The following ZBTB20 variants were observed in gnomAD, a reference collection of about 807,000 sequenced individuals.
ZBTB20 encodes the protein zinc finger and BTB domain-containing protein 20.
Under a neutral mutation model 56.9 loss-of-function variants are expected in ZBTB20, and 9 were observed. The ratio of observed to expected loss-of-function variants is 0.16; its 90% CI spans 0.10 to 0.28. The LOEUF (loss-of-function observed/expected upper bound fraction) is 0.28. ZBTB20 is among the 10% of genes least tolerant of loss of function. The probability of loss-of-function intolerance (pLI) is 1.00; values close to 1 mark genes in which losing one functional copy is unlikely to be tolerated. For missense variants in ZBTB20, 655 were observed against 1,003.0 expected (o/e 0.65, Z 4.69); for synonymous variants, 417 against 420.7 (o/e 0.99, Z 0.11).
chr3:114,344,390 G>C (rs148983386), intron 11 of ZBTB20, among the ~76,000 whole-genome samples: 1 of 152,292 alleles, frequency 6.6e-6, no homozygotes, highest in East Asian at 1.9e-4. Context: ...AGTAGCACCT[G>C]AGAGTATAAT....
rs2108022810 is a variant in ZBTB20, at chr3:114,326,889, T to C, written c.*12116A>G. The C allele has an allele frequency of 1.3e-5, 2 of 152,272 alleles. No individual in the cohort carries two copies. Among genetic ancestry groups the C allele is most frequent in the Middle Eastern group, 6.8e-3 (2 of 294 alleles). 9.4% of individuals were successfully genotyped at this position (152,272 alleles called of 1,614,324 possible). A position where few individuals can be genotyped will look rare whatever the true frequency, so the allele number is the denominator to read the frequency against. On this transcript the variant is annotated 3_prime_UTR_variant, in exon 12 of 12. Transcript: ENST00000675478. ...TCTCAGAACATTTCCTAAGCTATAT[T>C]TGTAAATTCTAGAGCTACATATCTG...
At chr3:114,864,842 G>A (rs972623300) in intron 4 of ZBTB20, among the ~76,000 whole-genome samples, 28 of 152,200 alleles carry the variant, frequency 1.8e-4, no homozygotes, top group Middle Eastern at 3.4e-3. Context: ...TGAGGCAAGA[G>A]GGTAACTCCA....
chr3:114,690,957 T>C (rs141298731), intron 6 of ZBTB20, among the ~76,000 whole-genome samples: 139 of 152,262 alleles, frequency 9.1e-4, no homozygotes, highest in South Asian at 4.4e-3. Context: ...ATAATAAGTA[T>C]AATTAATGCT....
chr3:114,860,094 G>A (rs771102616), intron 4 of ZBTB20, among the ~76,000 whole-genome samples: 11 of 151,984 alleles, frequency 7.2e-5, no homozygotes, highest in African/African-American at 2.4e-4. Flanking sequence ...GGATCACGAC[G>A]TCAGGAGATC....
At chr3:114,887,489 T>A (rs1397649994) in intron 4 of ZBTB20, among the ~76,000 whole-genome samples, 1 of 152,090 alleles carries the variant, frequency 6.6e-6, no homozygotes, top group African/African-American at 2.4e-5. Context: ...CTAAATCCAA[T>A]AACTGATATG....
At chr3:114,532,493 T>C (rs189642782) in intron 6 of ZBTB20, among the ~76,000 whole-genome samples, 113 of 152,284 alleles carry the variant, frequency 7.4e-4, no homozygotes, top group African/African-American at 2.6e-3. Context: ...CCCAGTCAGG[T>C]GCTTATAGAT....
At chr3:114,978,519 A>G (rs1252763049) in intron 2 of ZBTB20, among the ~76,000 whole-genome samples, 1 of 151,622 alleles carries the variant, frequency 6.6e-6, no homozygotes, top group East Asian at 1.9e-4. Context: ...TATATAATAC[A>G]TCATTAAGCT....
chr3:114,427,691 T>C (rs571171254), intron 7 of ZBTB20, among the ~76,000 whole-genome samples: 1 of 152,380 alleles, frequency 6.6e-6, no homozygotes, highest in South Asian at 2.1e-4. Flanking sequence ...ATTTGGTGTC[T>C]GCTGTCTGGG....
chr3:114,466,728 T>C (rs1181116377), intron 7 of ZBTB20, among the ~76,000 whole-genome samples: 1 of 152,178 alleles, frequency 6.6e-6, no homozygotes, highest in Non-Finnish European at 1.5e-5. Flanking sequence ...TTTAATTCAG[T>C]ATATATTTAA....
intron 11 of ZBTB20, among the ~76,000 whole-genome samples, chr3:114,347,533 C>A (rs1271145664): frequency 6.6e-6 from 1 of 151,196 alleles, no homozygotes; most frequent in Admixed American, 6.6e-5. Context: ...TTTGAGGCTC[C>A]ATTTTTTTAT....
intron 3 of ZBTB20, among the ~76,000 whole-genome samples, chr3:114,923,963 T>C (rs1050280530): frequency 1.3e-5 from 2 of 152,110 alleles, no homozygotes; most frequent in Admixed American, 1.3e-4. Context: ...AGAAGTATAT[T>C]AAAAAGTGCT....
chr3:114,707,594 C>A (rs559211594), intron 5 of ZBTB20, among the ~76,000 whole-genome samples: 3 of 152,342 alleles, frequency 2.0e-5, no homozygotes, highest in Admixed American at 6.5e-5. Context: ...GAACTCAAAG[C>A]TACCACATGA....
intron 8 of ZBTB20, among the ~76,000 whole-genome samples, chr3:114,384,327 A>G (rs1214991458): frequency 2.0e-5 from 3 of 152,304 alleles, no homozygotes; most frequent in Non-Finnish European, 4.4e-5. Flanking sequence ...ACAGGGAAGG[A>G]CTTAAGAATA....
chr3:115,054,817 G>T (rs555775370), intron 2 of ZBTB20, among the ~76,000 whole-genome samples: 13 of 152,154 alleles, frequency 8.5e-5, no homozygotes, highest in African/African-American at 2.9e-4. Flanking sequence ...CAATAATTTT[G>T]ATTTTTCTTA....
rs2070978772 is a variant in ZBTB20, at chr3:114,791,823, A to AT, written c.-343+9277dup. 3.9e-5 allele frequency: 3 copies of AT among 76,138 alleles called. No individual in the cohort carries two copies. The East Asian group carries it at 6.3e-3, about 159-fold the overall frequency. The allele number at this position is 76,138 out of a possible 1,614,324, so 4.7% of individuals were successfully genotyped here. A position where few individuals can be genotyped will look rare whatever the true frequency, so the allele number is the denominator to read the frequency against. ...TTTATTTTCCTACATCTTTGAAGAC[A>AT]TTTTATTAAAAAAGGTTATAACTGA... On this transcript the variant is annotated intron_variant, in intron 5 of 11. Transcript: ENST00000675478.
At position 114,749,467 on chromosome 3, in the gene ZBTB20, C is replaced by T. The variant is rs1291181489; in HGVS notation, c.-343+51634G>A. Among the ~76,000 whole-genome samples the T allele has an allele frequency of 2.0e-5, 3 of 151,924 alleles. 1 individual carries two copies. The highest frequency in any genetic ancestry group is 4.4e-5 in the Non-Finnish European group (3 of 67,980). On this transcript the variant is annotated intron_variant, in intron 5 of 11. Coordinates refer to ENST00000675478, the MANE Select transcript of ZBTB20 (RefSeq NM_001348800.3). ...ACTTGGGAGGCAGAGGCAAGAGAAT[C>T]ACTTGAACCCAGGAGGCGGAGCTTG...
At chr3:114,589,610 C>A (rs1248706267) in intron 6 of ZBTB20, among the ~76,000 whole-genome samples, 1 of 152,142 alleles carries the variant, frequency 6.6e-6, no homozygotes, top group Non-Finnish European at 1.5e-5. Context: ...AATAATTATA[C>A]CAAGACTACA....
intron 3 of ZBTB20, among the ~76,000 whole-genome samples, chr3:114,910,548 G>T (rs141375769): frequency 6.6e-6 from 1 of 151,724 alleles, no homozygotes; most frequent in Non-Finnish European, 1.5e-5. Context: ...CTAGCCAAAA[G>T]ACACTCAGAA....
At chr3:114,417,274 TG>T (rs1270284746) in intron 7 of ZBTB20, among the ~76,000 whole-genome samples, 1 of 152,052 alleles carries the variant, frequency 6.6e-6, no homozygotes, top group Non-Finnish European at 1.5e-5. Context: ...AACACAAAAA[TG>T]GCTGTTGCAC....
Sources: allele counts gnomAD v4.1 joint callset (sites outside exome capture counted in the v4.1 genomes callset), GRCh38; gene constraint gnomAD v4.1.1; transcripts MANE v1.5; gene names NCBI Gene and HGNC (gene_info 2026-07-23, HGNC 2026-07-21).